The following EYS variants were observed in gnomAD, a reference collection of about 807,000 sequenced individuals.
The protein encoded by EYS is protein eyes shut homolog.
Under a neutral mutation model 282.1 loss-of-function variants are expected in EYS, and 250 were observed. The ratio of observed to expected loss-of-function variants is 0.89; its 90% CI spans 0.80 to 0.98. The LOEUF (loss-of-function observed/expected upper bound fraction) is 0.98, where lower values mean the gene tolerates loss of function less well. Among genes scored for constraint, EYS ranks in the 50% least tolerant of loss-of-function variants. The probability of loss-of-function intolerance (pLI) is 0.00; values close to 1 mark genes in which losing one functional copy is unlikely to be tolerated. For synonymous variants in EYS, 1,355 were observed against 1,282.9 expected, an observed-to-expected ratio of 1.06 and a Z score of -1.20; for missense variants, 4,016 against 3,709.0, an observed-to-expected ratio of 1.08 and a Z score of -2.15.
chr6:63,874,969 C>G (rs1772928269), intron 35 of EYS, among the ~76,000 whole-genome samples: 1 of 152,136 alleles, frequency 6.6e-6, no homozygotes, highest in Admixed American at 6.6e-5. Flanking sequence ...TTATTTCTTT[C>G]TCCTGCCTAA....
intron 31 of EYS, among the ~76,000 whole-genome samples, chr6:64,111,806 C>A (rs1337574550): frequency 6.6e-6 from 1 of 151,820 alleles, no homozygotes; most frequent in Non-Finnish European, 1.5e-5. Context: ...GTTGAAAGTC[C>A]TGTGAAATGG....
intron 22 of EYS, among the ~76,000 whole-genome samples, chr6:64,810,458 T>C (rs1463412124): frequency 5.3e-5 from 8 of 151,966 alleles, no homozygotes; most frequent in Admixed American, 5.3e-4. Context: ...AAAGATAAGA[T>C]CTAAGAAATT....
intron 9 of EYS, among the ~76,000 whole-genome samples, chr6:65,348,712 A>C (rs1467288813): frequency 6.6e-6 from 1 of 151,490 alleles, no homozygotes; most frequent in Admixed American, 6.6e-5. Context: ...AAGCATTTTA[A>C]CTTGCTGTGA....
chr6:64,295,452 A>G (rs141719007), intron 30 of EYS, among the ~76,000 whole-genome samples: 11 of 16,080 alleles, frequency 6.8e-4, no homozygotes, highest in African/African-American at 6.5e-4. Flanking sequence ...GAGGAAGAAG[A>G]AGAAGAAGAA....
chr6:65,392,359 G>T (rs914660416), intron 7 of EYS, among the ~76,000 whole-genome samples: 4 of 152,072 alleles, frequency 2.6e-5, no homozygotes, highest in Non-Finnish European at 5.9e-5. Context: ...CACAGCAAAA[G>T]AAACTACCAT....
chr6:64,919,664 T>C (rs991955584), intron 15 of EYS, among the ~76,000 whole-genome samples: 3 of 152,122 alleles, frequency 2.0e-5, no homozygotes, highest in African/African-American at 7.2e-5. Context: ...GTAAATGAAC[T>C]GTATGGATAA....
At chr6:64,265,330 G>A (rs1018771291) in intron 30 of EYS, among the ~76,000 whole-genome samples, 1 of 152,126 alleles carries the variant, frequency 6.6e-6, no homozygotes, top group South Asian at 2.1e-4. Context: ...CTAATAATAT[G>A]TTGACACAAC....
chr6:64,149,423 A>G (rs993664034), intron 31 of EYS, among the ~76,000 whole-genome samples: 4 of 152,204 alleles, frequency 2.6e-5, no homozygotes, highest in Non-Finnish European at 5.9e-5. Flanking sequence ...TGTATTTTAT[A>G]TAGAGCCCAT....
chr6:63,916,535 G>A (rs892726300), intron 35 of EYS, among the ~76,000 whole-genome samples: 5 of 151,876 alleles, frequency 3.3e-5, no homozygotes, highest in African/African-American at 7.3e-5. Flanking sequence ...ATGTCTATTC[G>A]AATTTTTTAC....
At chr6:63,802,181 A>G (rs1312891202) in intron 37 of EYS, among the ~76,000 whole-genome samples, 1 of 152,228 alleles carries the variant, frequency 6.6e-6, no homozygotes, top group Admixed American at 6.5e-5. Flanking sequence ...TAAATTGATG[A>G]ATAATCCCTA....
chr6:64,170,555 T>G (rs1453631334), intron 31 of EYS, among the ~76,000 whole-genome samples: 2 of 151,582 alleles, frequency 1.3e-5, no homozygotes. Flanking sequence ...ATCGCTGCCT[T>G]GTAGTTCCTA....
At chr6:64,618,688 T>C (rs1008100335) in intron 23 of EYS, among the ~76,000 whole-genome samples, 1 of 152,318 alleles carries the variant, frequency 6.6e-6, no homozygotes, top group East Asian at 1.9e-4. Flanking sequence ...GACATGGCAA[T>C]GTCCACATCA....
At chr6:64,963,520 C>A (rs988315929) in intron 14 of EYS, among the ~76,000 whole-genome samples, 1 of 152,108 alleles carries the variant, frequency 6.6e-6, no homozygotes, top group Non-Finnish European at 1.5e-5. Context: ...TTTATGCAAG[C>A]AATTTCTGAG....
intron 12 of EYS, among the ~76,000 whole-genome samples, chr6:65,208,107 A>T (rs1766082351): frequency 6.6e-6 from 1 of 151,678 alleles, no homozygotes; most frequent in Non-Finnish European, 1.5e-5. Flanking sequence ...TTTGCAAATT[A>T]TGTCAAACCA....
intron 13 of EYS, among the ~76,000 whole-genome samples, chr6:65,049,213 C>A (rs906492821): frequency 6.6e-6 from 1 of 151,762 alleles, no homozygotes; most frequent in Non-Finnish European, 1.5e-5. Flanking sequence ...CTTCGCATTG[C>A]CCCTAATATT....
At chr6:64,799,575 A>T (rs1327173175) in intron 22 of EYS, among the ~76,000 whole-genome samples, 2 of 151,368 alleles carry the variant, frequency 1.3e-5, no homozygotes, top group Admixed American at 1.3e-4. Flanking sequence ...TAGTTAATTT[A>T]AAAAATTGAT....
intron 35 of EYS, among the ~76,000 whole-genome samples, chr6:63,865,643 G>T (rs535256436): frequency 1.3e-5 from 2 of 152,210 alleles, no homozygotes; most frequent in Admixed American, 1.3e-4. Flanking sequence ...TCCCAGTCTA[G>T]TTGTAGATCT....
intron 30 of EYS, among the ~76,000 whole-genome samples, chr6:64,241,585 T>C (rs894518521): frequency 6.6e-6 from 1 of 151,718 alleles, no homozygotes; most frequent in Non-Finnish European, 1.5e-5. Flanking sequence ...TATCATTTTT[T>C]ATTGTATCTA....
chr6:64,592,828 T>G (rs554426645), intron 25 of EYS, among the ~76,000 whole-genome samples: 1 of 152,214 alleles, frequency 6.6e-6, no homozygotes, highest in Non-Finnish European at 1.5e-5. Flanking sequence ...ACAAGGCCCT[T>G]TTAAAACAAA....
Sources: gnomAD v4.1 joint callset for allele counts (sites outside exome capture counted in the v4.1 genomes callset) on GRCh38, gnomAD v4.1.1 for gene constraint, MANE v1.5 for transcripts, NCBI Gene and HGNC (gene_info 2026-07-23, HGNC 2026-07-21) for gene names.